The following AKAP12 variants were observed in gnomAD, a reference collection of about 807,000 sequenced individuals.
AKAP12 encodes the protein A-kinase anchoring protein 12.
Under a neutral mutation model 79.9 loss-of-function variants are expected in AKAP12, and 32 were observed. The observed-to-expected ratio is 0.40, with a 90% CI of 0.30 to 0.54. The LOEUF is 0.54. AKAP12 is among the 20% of genes least tolerant of loss of function. The pLI, the probability that AKAP12 is intolerant of heterozygous loss-of-function variation, is 0.48. For synonymous variants in AKAP12, 808 were observed against 857.0 expected (o/e 0.94, Z 1.00); for missense variants, 2,074 against 2,177.0 (o/e 0.95, Z 0.94).
intron 3 of AKAP12, among the ~76,000 whole-genome samples, chr6:151,333,567 A>G (rs1477209498): frequency 2.0e-5 from 3 of 152,046 alleles, no homozygotes; most frequent in African/African-American, 4.8e-5. Context: ...TCTGGCCAAC[A>G]TGGCGAAACT....
In AKAP12 at chr6:151,332,033, G is replaced by GTTGTTTTTGTTTTTT. The variant is rs1303327962; in HGVS notation, c.320-16676_320-16675insGTTTTTGTTTTTTTT. ...GAGTAGCACGTCCAGTTCTGGGTCT[G>GTTGTTTTTGTTTTTT]TTTTTTTTTTTTTTTTTTTTTGAGA... On this transcript the variant is annotated intron_variant, in intron 3 of 4. Coordinates refer to ENST00000402676, the MANE Select transcript of AKAP12 (RefSeq NM_005100.4). Among the ~76,000 whole-genome samples the GTTGTTTTTGTTTTTT allele has an allele frequency of 8.2e-4, 65 of 79,624 alleles. 9 individuals carry two copies. The highest frequency in any genetic ancestry group is 2.7e-3 in the African/African-American group (49 of 18,388). The allele number at this position is 79,624 out of a possible 152,430, so 52.2% of individuals were successfully genotyped here. A position where few individuals can be genotyped will look rare whatever the true frequency, so the allele number is the denominator to read the frequency against.
intron 3 of AKAP12, among the ~76,000 whole-genome samples, chr6:151,309,124 C>T (rs1777037263): frequency 6.6e-6 from 1 of 152,194 alleles, no homozygotes; most frequent in African/African-American, 2.4e-5. Context: ...ATCCGCCTGC[C>T]TCGGCCTCCC....
At chr6:151,346,191 G>C (rs1778098234) in intron 3 of AKAP12, among the ~76,000 whole-genome samples, 1 of 152,004 alleles carries the variant, frequency 6.6e-6, no homozygotes, top group African/African-American at 2.4e-5. Context: ...TGGTTGTTGT[G>C]TTCCTTAAAT....
At chr6:151,256,793 G>C (rs1242928962) in intron 2 of AKAP12, among the ~76,000 whole-genome samples, 1 of 151,662 alleles carries the variant, frequency 6.6e-6, no homozygotes, top group Non-Finnish European at 1.5e-5. Flanking sequence ...GGAACTACAG[G>C]CGTGTGCCAC....
chr6:151,314,672 C>A (rs886834840), intron 3 of AKAP12, among the ~76,000 whole-genome samples: 19 of 152,182 alleles, frequency 1.2e-4, no homozygotes, highest in Non-Finnish European at 2.1e-4. Flanking sequence ...CACTCAAGTC[C>A]ACTTTCAAAT....
intron 2 of AKAP12, among the ~76,000 whole-genome samples, chr6:151,290,856 C>T (rs559407830): frequency 8.9e-4 from 136 of 152,272 alleles, no homozygotes; most frequent in Middle Eastern, 3.4e-3. Context: ...ATGATCCGCC[C>T]GCCTCGGCCT....
intron 2 of AKAP12, among the ~76,000 whole-genome samples, chr6:151,300,350 C>T (rs1425405855): frequency 2.0e-5 from 3 of 152,126 alleles, no homozygotes; most frequent in Non-Finnish European, 2.9e-5. Context: ...TTTGGAGCCT[C>T]GTCTACTGTG....
intron 3 of AKAP12, among the ~76,000 whole-genome samples, chr6:151,332,034 T>TTGTTTTTGTTTG (rs1415075436): frequency 9.9e-6 from 1 of 100,580 alleles, no homozygotes; most frequent in East Asian, 3.4e-4. Context: ...TCTGGGTCTG[T>TTGTTTTTGTTTG]TTTTTTTTTT....
At chr6:151,321,234 G>A (rs367867913) in intron 3 of AKAP12, among the ~76,000 whole-genome samples, 13 of 152,032 alleles carry the variant, frequency 8.6e-5, no homozygotes, top group East Asian at 3.9e-4. Flanking sequence ...TGATCTGCCC[G>A]CCTCGGCCTC....
chr6:151,250,323 C>T (rs1582831940), intron 2 of AKAP12, among the ~76,000 whole-genome samples: 1 of 150,406 alleles, frequency 6.6e-6, no homozygotes, highest in South Asian at 2.1e-4. Context: ...CATGGTGAAA[C>T]TCCGCTTTAC....
intron 3 of AKAP12, among the ~76,000 whole-genome samples, chr6:151,341,212 C>A (rs1325830749): frequency 1.3e-5 from 2 of 151,956 alleles, no homozygotes; most frequent in African/African-American, 4.8e-5. Context: ...CCACCACGCC[C>A]GGCTAATTTG....
chr6:151,294,120 A>C (rs1776675848), intron 2 of AKAP12, among the ~76,000 whole-genome samples: 2 of 151,926 alleles, frequency 1.3e-5, no homozygotes, highest in South Asian at 4.2e-4. Context: ...ACTACAGGCG[A>C]GTGCCACCAT....
chr6:151,311,523 C>A (rs58460719), intron 3 of AKAP12, among the ~76,000 whole-genome samples: 151 of 152,132 alleles, frequency 9.9e-4, no homozygotes, highest in Non-Finnish European at 1.6e-3. Context: ...CCCCCACCCC[C>A]GGGGAAAAAT....
Position 151,240,581 on chromosome 6 carries a change from A to T in AKAP12, c.19A>T (p.Thr7Ser). ...AGGAGCCATGGGCGCCGGGAGCTCC[A>T]CCGAGCAGCGCAGCCCGGAGCAGCC... MGAGSSTEQRSPEQPPE... is the reference protein window; with the variant it reads MGAGSSSEQRSPEQPPE... Residue 7 changes from threonine to serine, a missense_variant, in exon 2 of 5, where the codon ACC (threonine) becomes TCC (serine). By Grantham distance (58) the Thr-to-Ser change is moderately conservative. Coordinates refer to ENST00000402676, the MANE Select transcript of AKAP12 (RefSeq NM_005100.4). 1 of 1,445,616 alleles carries T rather than the reference A, an allele frequency of 6.9e-7. No individual in the cohort carries two copies. The highest frequency in any genetic ancestry group is 9.0e-7 in the Non-Finnish European group (1 of 1,105,772). 89.5% of individuals were successfully genotyped at this position (1,445,616 alleles called of 1,614,324 possible). A position where few individuals can be genotyped will look rare whatever the true frequency, so the allele number is the denominator to read the frequency against.
At chr6:151,252,095 C>T (rs573923763) in intron 2 of AKAP12, among the ~76,000 whole-genome samples, 2 of 152,182 alleles carry the variant, frequency 1.3e-5, no homozygotes, top group Non-Finnish European at 2.9e-5. Flanking sequence ...CAAAGCATTT[C>T]TCTAATAGTG....
At chr6:151,295,930 T>C (rs1183292844) in intron 2 of AKAP12, among the ~76,000 whole-genome samples, 1 of 152,104 alleles carries the variant, frequency 6.6e-6, no homozygotes, top group African/African-American at 2.4e-5. Context: ...CTTTTCTGAG[T>C]CCTTCAGATG....
At chr6:151,313,671 TAAC>T (rs1378314740) in intron 3 of AKAP12, among the ~76,000 whole-genome samples, 3 of 152,198 alleles carry the variant, frequency 2.0e-5, no homozygotes, top group Admixed American at 6.5e-5. Flanking sequence ...CCTTCTGACT[TAAC>T]AAAAGGAGTG....
chr6:151,320,866 G>A (rs573398370), intron 3 of AKAP12, among the ~76,000 whole-genome samples: 92 of 152,216 alleles, frequency 6.0e-4, no homozygotes, highest in African/African-American at 2.0e-3. Context: ...CAGCTTTTGT[G>A]AGCTGTAATT....
At chr6:151,250,690 C>T (rs1797156931) in intron 2 of AKAP12, among the ~76,000 whole-genome samples, 1 of 150,606 alleles carries the variant, frequency 6.6e-6, no homozygotes, top group Non-Finnish European at 1.5e-5. Context: ...ACTGCAAACT[C>T]CGCCTCCCGG....
Sources: gnomAD v4.1 joint callset for allele counts (sites outside exome capture counted in the v4.1 genomes callset) on GRCh38, gnomAD v4.1.1 for gene constraint, MANE v1.5 for transcripts, NCBI Gene and HGNC (gene_info 2026-07-23, HGNC 2026-07-21) for gene names.